Variants in CACNA2D3 observed in about 807,000 individuals in gnomAD.
CACNA2D3 encodes voltage-dependent calcium channel subunit alpha-2/delta-3.
Under a neutral mutation model 160.6 loss-of-function variants are expected in CACNA2D3, and 60 were observed. The ratio of observed to expected loss-of-function variants is 0.37; its 90% CI spans 0.30 to 0.46. CACNA2D3 has a LOEUF of 0.46. Among genes scored for constraint, CACNA2D3 ranks in the 20% least tolerant of loss-of-function variants. CACNA2D3 has a pLI of 1.00. For synonymous variants in CACNA2D3, 558 were observed against 492.9 expected (o/e 1.13, Z -1.75); for missense variants, 1,205 against 1,365.0 (o/e 0.88, Z 1.85).
rs541105701 is a variant in CACNA2D3, at chr3:54,660,157, C to A, written c.1167+17916C>A. ...CCTTTTGGTTTCTTTTTTTTTTTTTCTTTTTATTTTTTTTTATTTTTGAGA... is the reference window on the plus strand; with the variant it reads ...CCTTTTGGTTTCTTTTTTTTTTTTTATTTTTATTTTTTTTTATTTTTGAGA... On this transcript the variant is annotated intron_variant, in intron 11 of 37. Coordinates refer to ENST00000474759, the MANE Select transcript of CACNA2D3 (RefSeq NM_018398.3). Among the ~76,000 whole-genome samples, 380 of 129,492 alleles carry A rather than the reference C, an allele frequency of 2.9e-3. 4 individuals are homozygous for A. Among genetic ancestry groups the A allele is most frequent in the Non-Finnish European group, 3.8e-3 (227 of 59,642 alleles). 85.0% of individuals were successfully genotyped at this position (129,492 alleles called of 152,430 possible).
At chr3:54,666,374 G>A (rs1315056897) in intron 11 of CACNA2D3, among the ~76,000 whole-genome samples, 1 of 152,168 alleles carries the variant, frequency 6.6e-6, no homozygotes, top group African/African-American at 2.4e-5. Flanking sequence ...TAACAAAGTT[G>A]GAACAAAGCT....
chr3:54,459,005 G>A (rs967648526), intron 4 of CACNA2D3, among the ~76,000 whole-genome samples: 1 of 151,956 alleles, frequency 6.6e-6, no homozygotes, highest in Non-Finnish European at 1.5e-5. Context: ...TCCCACCTAT[G>A]AGTGAGAACA....
chr3:55,073,745 A>G, intron 36 of CACNA2D3, 32 bp from the exon 37 acceptor site: 2 of 1,577,882 alleles, frequency 1.3e-6, no homozygotes, highest in Non-Finnish European at 1.7e-6. Flanking sequence ...GAAAAAAGCA[A>G]TCCTTGGAAA....
intron 4 of CACNA2D3, among the ~76,000 whole-genome samples, chr3:54,440,100 C>T (rs1394187164): frequency 6.6e-6 from 1 of 152,162 alleles, no homozygotes; most frequent in African/African-American, 2.4e-5. Context: ...TTTACCCACT[C>T]CTTGACTGGG....
intron 2 of CACNA2D3, among the ~76,000 whole-genome samples, chr3:54,127,447 A>G (rs187652252): frequency 7.2e-5 from 11 of 152,316 alleles, no homozygotes; most frequent in Admixed American, 5.2e-4. Context: ...CTTTTCATCA[A>G]TGTGAAAATC....
chr3:54,675,909 C>T (rs961814194), intron 11 of CACNA2D3, among the ~76,000 whole-genome samples: 36 of 152,228 alleles, frequency 2.4e-4, no homozygotes, highest in African/African-American at 8.4e-4. Flanking sequence ...ATGGTGTCCT[C>T]CACACCACTT....
chr3:54,809,367 G>A lies in CACNA2D3; in HGVS notation c.1381-7486G>A, dbSNP rs1390231619. Among the ~76,000 whole-genome samples the A allele has an allele frequency of 7.9e-5, 9 of 113,246 alleles. No individual in the cohort carries two copies. In the East Asian group the frequency reaches 1.2e-3, roughly 15 times the overall value. 74.3% of individuals were successfully genotyped at this position (113,246 alleles called of 152,430 possible). A position where few individuals can be genotyped will look rare whatever the true frequency, so the allele number is the denominator to read the frequency against. ...CGCTCTGTCGCCCAGGTCGGACTGC[G>A]GACTGCAGTGGCGCAATCTCGGCTC... On this transcript the variant is annotated intron_variant, in intron 13 of 37. Transcript: ENST00000474759.
intron 29 of CACNA2D3, among the ~76,000 whole-genome samples, chr3:54,973,908 G>GA (rs1559451957): frequency 1.3e-5 from 2 of 151,932 alleles, no homozygotes; most frequent in Non-Finnish European, 2.9e-5. Flanking sequence ...GCAAGGAGTG[G>GA]CACCTTCCTG....
chr3:54,329,469 G>C (rs947225788), intron 3 of CACNA2D3, among the ~76,000 whole-genome samples: 4 of 152,206 alleles, frequency 2.6e-5, no homozygotes, highest in Admixed American at 2.0e-4. Flanking sequence ...CAAAGCAACT[G>C]TGGGGTTCAT....
chr3:54,536,031 A>G (rs1482220697), intron 5 of CACNA2D3, among the ~76,000 whole-genome samples: 1 of 152,238 alleles, frequency 6.6e-6, no homozygotes, highest in East Asian at 1.9e-4. Flanking sequence ...GCTAAGAGCT[A>G]TTTAGACGTG....
intron 35 of CACNA2D3, among the ~76,000 whole-genome samples, chr3:55,055,969 C>T (rs528374866): frequency 3.0e-4 from 45 of 152,146 alleles, no homozygotes; most frequent in African/African-American, 9.9e-4. Context: ...AACTAAAAAG[C>T]TTCTTAACAG....
chr3:54,497,041 G>A (rs1314276158), intron 4 of CACNA2D3, among the ~76,000 whole-genome samples: 1 of 152,096 alleles, frequency 6.6e-6, no homozygotes, highest in Non-Finnish European at 1.5e-5. Context: ...ATCAGAAAAT[G>A]TGAGTCCTTG....
At chr3:54,300,909 T>C (rs1335966619) in intron 2 of CACNA2D3, among the ~76,000 whole-genome samples, 1 of 152,034 alleles carries the variant, frequency 6.6e-6, no homozygotes, top group Non-Finnish European at 1.5e-5. Context: ...TAGTCCCAGC[T>C]ACTCAGGAGG....
chr3:54,793,487 G>C (rs1018097727), intron 13 of CACNA2D3, among the ~76,000 whole-genome samples: 2 of 152,182 alleles, frequency 1.3e-5, no homozygotes, highest in Non-Finnish European at 2.9e-5. Flanking sequence ...GAGATGGTTT[G>C]GCCTGTGTGG....
intron 11 of CACNA2D3, among the ~76,000 whole-genome samples, chr3:54,736,020 CATACATATAT>C (rs1362282327): frequency 1.3e-5 from 1 of 79,908 alleles, no homozygotes; most frequent in African/African-American, 5.4e-5. Context: ...TATATATACA[CATACATATAT>C]ATATGTATAT....
At chr3:54,920,740 A>G (rs1012894705) in intron 27 of CACNA2D3, among the ~76,000 whole-genome samples, 2 of 152,200 alleles carry the variant, frequency 1.3e-5, no homozygotes, top group African/African-American at 2.4e-5. Context: ...GCCAGAGAGC[A>G]TGGAGACTTC....
intron 11 of CACNA2D3, among the ~76,000 whole-genome samples, chr3:54,694,933 G>A (rs1559551667): frequency 6.6e-6 from 1 of 152,024 alleles, no homozygotes; most frequent in South Asian, 2.1e-4. Context: ...TTCTATAAAC[G>A]CTTTTCACAA....
chr3:54,919,532 G>A (rs1224728091), intron 27 of CACNA2D3, among the ~76,000 whole-genome samples: 1 of 152,136 alleles, frequency 6.6e-6, no homozygotes, highest in East Asian at 1.9e-4. Flanking sequence ...TTTCCAGTGG[G>A]TTATTAAACC....
intron 17 of CACNA2D3, 69 bp downstream of exon 17, chr3:54,846,536 T>A: frequency 1.0e-6 from 1 of 965,784 alleles, no homozygotes; most frequent in Non-Finnish European, 1.6e-6. Context: ...AATTCAACAG[T>A]GATGACACTT....
Sources: allele counts gnomAD v4.1 joint callset (sites outside exome capture counted in the v4.1 genomes callset), GRCh38; gene constraint gnomAD v4.1.1; transcripts MANE v1.5; gene names NCBI Gene and HGNC (gene_info 2026-07-23, HGNC 2026-07-21).